The following FRY variants were observed in gnomAD, a reference collection of about 807,000 sequenced individuals.
FRY encodes the protein protein furry homolog.
A neutral mutation model predicts 348.4 loss-of-function variants in FRY; 128 were observed. The observed-to-expected ratio is 0.37, with a 90% confidence interval of 0.32 to 0.43. The LOEUF (loss-of-function observed/expected upper bound fraction) is 0.43, where lower values mean the gene tolerates loss of function less well. FRY is among the 20% of genes least tolerant of loss of function. FRY has a pLI of 1.00. For synonymous variants in FRY, 1,370 were observed against 1,374.7 expected, an observed-to-expected ratio of 1.00 and a Z score of 0.08; for missense variants, 2,736 against 3,695.2, an observed-to-expected ratio of 0.74 and a Z score of 6.73.
At chr13:32,227,442 ATATC>A (rs1253111900) in intron 39 of FRY, among the ~76,000 whole-genome samples, 1 of 152,194 alleles carries the variant, frequency 6.6e-6, no homozygotes, top group Non-Finnish European at 1.5e-5. Flanking sequence ...CTAATTCAGT[ATATC>A]TATCAGACAC....
intron 36 of FRY, 41 bp from the exon 37 acceptor site, chr13:32,224,194 C>A: frequency 6.4e-7 from 1 of 1,569,944 alleles, no homozygotes; most frequent in Non-Finnish European, 8.8e-7. Context: ...CAAGTCTCCT[C>A]TCCCTGAAAA....
At chr13:32,097,052 C>T (rs1040594162) in intron 2 of FRY, among the ~76,000 whole-genome samples, 1 of 152,100 alleles carries the variant, frequency 6.6e-6, no homozygotes, top group African/African-American at 2.4e-5. Context: ...TGTTTATCAG[C>T]TTCCCATCTA....
chr13:32,061,458 G>T (rs776304125), intron 1 of FRY, among the ~76,000 whole-genome samples: 1 of 152,136 alleles, frequency 6.6e-6, no homozygotes, highest in African/African-American at 2.4e-5. Flanking sequence ...AAAAGATTTG[G>T]TATGACACTG....
chr13:32,208,756 G>C, intron 31 of FRY, 97 bp from the exon 32 acceptor site: 1 of 1,412,794 alleles, frequency 7.1e-7, no homozygotes, highest in Non-Finnish European at 1.0e-6. Flanking sequence ...TTTTGTAAAC[G>C]TAGGACACTG....
intron 7 of FRY, among the ~76,000 whole-genome samples, chr13:32,129,799 T>C (rs1879235816): frequency 6.6e-6 from 1 of 152,166 alleles, no homozygotes; most frequent in South Asian, 2.1e-4. Context: ...TTAAACAAAG[T>C]ATTATAAAAT....
chr13:32,210,367 G>A (rs1884616198), intron 33 of FRY, among the ~76,000 whole-genome samples: 1 of 152,188 alleles, frequency 6.6e-6, no homozygotes. Context: ...AGCTTGCAGG[G>A]CTCAGGTTGG....
intron 1 of FRY, among the ~76,000 whole-genome samples, chr13:32,037,158 C>T (rs1402639416): frequency 6.6e-6 from 1 of 152,088 alleles, no homozygotes; most frequent in Non-Finnish European, 1.5e-5. Flanking sequence ...GCAAACAATA[C>T]ATAGACAGTT....
At chr13:32,192,888 C>T (rs184608544) in intron 28 of FRY, among the ~76,000 whole-genome samples, 3 of 151,850 alleles carry the variant, frequency 2.0e-5, no homozygotes, top group African/African-American at 7.2e-5. Flanking sequence ...GGATTACAGG[C>T]GCACACCACC....
At chr13:32,243,957 C>T (rs1460119782) in intron 46 of FRY, 85 bp from the exon 47 acceptor site, 6 of 1,412,502 alleles carry the variant, frequency 4.2e-6, no homozygotes, top group Non-Finnish European at 5.0e-6. Context: ...AGGAAATGTG[C>T]AATCCTAAAT....
chr13:32,061,564 A>C (rs1416175303), intron 1 of FRY, among the ~76,000 whole-genome samples: 2 of 152,216 alleles, frequency 1.3e-5, no homozygotes, highest in African/African-American at 4.8e-5. Flanking sequence ...GGATTTATGC[A>C]TGATTTCTTC....
chr13:32,123,216 A>G (rs1287168190), intron 4 of FRY, among the ~76,000 whole-genome samples: 2 of 152,250 alleles, frequency 1.3e-5, no homozygotes, highest in Non-Finnish European at 2.9e-5. Flanking sequence ...GAACCAAAAA[A>G]GAGCCCACAT....
chr13:32,192,040 T>C (rs1883367230), intron 28 of FRY, among the ~76,000 whole-genome samples: 1 of 152,116 alleles, frequency 6.6e-6, no homozygotes, highest in African/African-American at 2.4e-5. Context: ...TAGTGGTTTC[T>C]CCTGGGTAGG....
chr13:32,176,298 G>A (rs1309416927), intron 20 of FRY, among the ~76,000 whole-genome samples: 1 of 152,218 alleles, frequency 6.6e-6, no homozygotes, highest in African/African-American at 2.4e-5. Context: ...TATAATAACA[G>A]GACCTGGATT....
intron 51 of FRY, among the ~76,000 whole-genome samples, chr13:32,255,449 C>T (rs1020014747): frequency 1.3e-5 from 2 of 152,190 alleles, no homozygotes; most frequent in Admixed American, 6.5e-5. Flanking sequence ...CCAAAGAGCC[C>T]TTTGCTTTTG....
intron 41 of FRY, 102 bp from the exon 42 acceptor site, chr13:32,234,472 G>A: frequency 1.0e-6 from 1 of 981,140 alleles, no homozygotes. Context: ...CCACTACAAG[G>A]TAGCCCTGTG....
At chr13:32,201,724 G>T (rs1280066141) in intron 29 of FRY, among the ~76,000 whole-genome samples, 1 of 151,970 alleles carries the variant, frequency 6.6e-6, no homozygotes, top group Non-Finnish European at 1.5e-5. Flanking sequence ...CTTTTATCCT[G>T]GTGTCCCAGT....
At chr13:32,181,027 A>AT (rs1882674644) in intron 23 of FRY, among the ~76,000 whole-genome samples, 1 of 151,906 alleles carries the variant, frequency 6.6e-6, no homozygotes, top group Non-Finnish European at 1.5e-5. Flanking sequence ...AGTAGCTGGG[A>AT]TTACAGGCAC....
At position 32,128,428 on chromosome 13, in the gene FRY, G is replaced by C. The variant is rs142470799; in HGVS notation, c.717-3244G>C. ...AGTGTCCAGCAGGTGCTAACACATA[G>C]TAGGCCCCCGGTAAATTATTACTAT... On this transcript the variant is annotated intron_variant, in intron 7 of 60. Coordinates refer to ENST00000542859, the MANE Select transcript of FRY (RefSeq NM_023037.3). Among the ~76,000 whole-genome samples, 1,125 of 152,330 alleles carry C rather than the reference G, an allele frequency of 7.4e-3. 18 individuals are homozygous for C. Among genetic ancestry groups the C allele is most frequent in the African/African-American group, 0.026 (1,061 of 41,570 alleles).
chr13:32,206,614 A>T (rs368024859), intron 31 of FRY, among the ~76,000 whole-genome samples: 3 of 152,174 alleles, frequency 2.0e-5, no homozygotes, highest in African/African-American at 7.2e-5. Flanking sequence ...GTAAAGTGGG[A>T]GTGGTTCACA....
Sources: allele counts gnomAD v4.1 joint callset (sites outside exome capture counted in the v4.1 genomes callset), GRCh38; gene constraint gnomAD v4.1.1; transcripts MANE v1.5; gene names NCBI Gene and HGNC (gene_info 2026-07-23, HGNC 2026-07-21).